The following CECR2 variants were observed in gnomAD, a reference collection of about 807,000 sequenced individuals.
CECR2 encodes the protein chromatin remodeling regulator CECR2.
CECR2 carries 30 observed loss-of-function variants against 154.5 expected under a neutral mutation model. The observed-to-expected ratio is 0.19, with a 90% CI of 0.15 to 0.26. CECR2 has a LOEUF of 0.26. Among genes scored for constraint, CECR2 ranks in the 10% least tolerant of loss-of-function variants. CECR2 has a pLI of 1.00. For synonymous variants in CECR2, 725 were observed against 683.7 expected, an observed-to-expected ratio of 1.06 and a Z score of -0.94; for missense variants, 1,743 against 1,829.3, an observed-to-expected ratio of 0.95 and a Z score of 0.86.
chr22:17,423,852 G>A (rs951619651), intron 1 of CECR2, among the ~76,000 whole-genome samples: 3 of 152,122 alleles, frequency 2.0e-5, no homozygotes, highest in Admixed American at 6.5e-5. Context: ...GACTTGTTTC[G>A]TCTTCAGTGT....
intron 2 of CECR2, among the ~76,000 whole-genome samples, chr22:17,491,818 G>C (rs1465898401): frequency 6.6e-6 from 1 of 152,106 alleles, no homozygotes; most frequent in African/African-American, 2.4e-5. Flanking sequence ...ATAAACACAT[G>C]TAAAAATCTG....
intron 9 of CECR2, among the ~76,000 whole-genome samples, chr22:17,531,035 C>CA (rs1488160788): frequency 6.6e-6 from 1 of 152,126 alleles, no homozygotes; most frequent in Non-Finnish European, 1.5e-5. Context: ...ATTGTATGCT[C>CA]ATTTGGGTGA....
chr22:17,466,938 C>T (rs1160644396), intron 1 of CECR2, among the ~76,000 whole-genome samples: 2 of 152,136 alleles, frequency 1.3e-5, no homozygotes, highest in African/African-American at 2.4e-5. Flanking sequence ...CTCTCTTCCT[C>T]GTTCCCGTAT....
chr22:17,415,130 A>G (rs930483913), intron 1 of CECR2, among the ~76,000 whole-genome samples: 1 of 152,194 alleles, frequency 6.6e-6, no homozygotes, highest in East Asian at 1.9e-4. Context: ...TCATTACATG[A>G]GTGAATATGA....
chr22:17,386,177 A>G (rs1601261082), intron 1 of CECR2, among the ~76,000 whole-genome samples: 1 of 152,162 alleles, frequency 6.6e-6, no homozygotes, highest in Admixed American at 6.5e-5. Flanking sequence ...GAAAATGACA[A>G]CGGAAAAGAG....
At chr22:17,516,669 A>G (rs2056062243) in intron 8 of CECR2, among the ~76,000 whole-genome samples, 1 of 152,194 alleles carries the variant, frequency 6.6e-6, no homozygotes, top group Non-Finnish European at 1.5e-5. Flanking sequence ...ATCTCGGCTC[A>G]CTGCAACCTC....
chr22:17,506,275 T>C (rs2055843048), intron 7 of CECR2, among the ~76,000 whole-genome samples: 2 of 152,098 alleles, frequency 1.3e-5, no homozygotes, highest in Admixed American at 6.5e-5. Flanking sequence ...TGCAGGCACA[T>C]GCCACCACGC....
At chr22:17,464,794 C>T (rs1357829539) in intron 1 of CECR2, among the ~76,000 whole-genome samples, 1 of 152,154 alleles carries the variant, frequency 6.6e-6, no homozygotes, top group African/African-American at 2.4e-5. Context: ...AGCCATTGTG[C>T]CCAGTCCAGA....
chr22:17,459,313 C>T (rs2054901024), intron 1 of CECR2, among the ~76,000 whole-genome samples: 1 of 152,182 alleles, frequency 6.6e-6, no homozygotes, highest in Non-Finnish European at 1.5e-5. Flanking sequence ...CTGCCCGGCC[C>T]TGCATCCCAG....
intron 1 of CECR2, among the ~76,000 whole-genome samples, chr22:17,371,882 C>A (rs909733627): frequency 3.9e-5 from 6 of 152,156 alleles, no homozygotes. Flanking sequence ...TTTAGAGTAA[C>A]CTGTAAATAA....
At chr22:17,454,479 C>T (rs2054822440) in intron 1 of CECR2, among the ~76,000 whole-genome samples, 1 of 151,718 alleles carries the variant, frequency 6.6e-6, no homozygotes, top group Non-Finnish European at 1.5e-5. Flanking sequence ...GTGGCGGGCA[C>T]CTGTAGTCCC....
chr22:17,511,946 G>A (rs375479676), intron 8 of CECR2, 50 bp downstream of exon 8: 87 of 1,390,944 alleles, frequency 6.3e-5, no homozygotes, highest in South Asian at 1.7e-4. Context: ...TGAAAGAGAC[G>A]GATCCTTTTC....
chr22:17,466,418 C>G (rs2055033136), intron 1 of CECR2, among the ~76,000 whole-genome samples: 1 of 152,114 alleles, frequency 6.6e-6, no homozygotes, highest in South Asian at 2.1e-4. Context: ...CAAGGTAACT[C>G]TATTTTGTGA....
chr22:17,528,694 C>A (rs377633034), intron 9 of CECR2, among the ~76,000 whole-genome samples: 14 of 152,220 alleles, frequency 9.2e-5, no homozygotes, highest in African/African-American at 3.4e-4. Flanking sequence ...CACTACCACA[C>A]CCGGCTAATT....
intron 1 of CECR2, among the ~76,000 whole-genome samples, chr22:17,371,260 G>C (rs1480855504): frequency 6.6e-6 from 1 of 152,130 alleles, no homozygotes; most frequent in Non-Finnish European, 1.5e-5. Context: ...GAATGAAGAG[G>C]AATGTAGACA....
chr22:17,360,788 T>G (rs1202679660), intron 1 of CECR2, among the ~76,000 whole-genome samples: 1 of 150,434 alleles, frequency 6.6e-6, no homozygotes, highest in Non-Finnish European at 1.5e-5. Context: ...GAGGTTGCCA[T>G]GAGCCAAGAT....
intron 1 of CECR2, among the ~76,000 whole-genome samples, chr22:17,395,383 C>T (rs1000641820): frequency 2.0e-4 from 31 of 151,618 alleles, no homozygotes; most frequent in Admixed American, 1.5e-3. Context: ...CTCGCTCTGT[C>T]GCCCAGGCTG....
chr22:17,465,640 A>G (rs1473517477), intron 1 of CECR2, among the ~76,000 whole-genome samples: 1 of 151,754 alleles, frequency 6.6e-6, no homozygotes, highest in South Asian at 2.1e-4. Context: ...GCGTGCCACC[A>G]TGCCTGGCTA....
intron 1 of CECR2, among the ~76,000 whole-genome samples, chr22:17,425,698 C>T (rs898989962): frequency 6.6e-6 from 1 of 151,798 alleles, no homozygotes; most frequent in Non-Finnish European, 1.5e-5. Flanking sequence ...ACAGTGGAAA[C>T]TATTTTGACT....
Sources: gnomAD v4.1 joint callset for allele counts (sites outside exome capture counted in the v4.1 genomes callset) on GRCh38, gnomAD v4.1.1 for gene constraint, MANE v1.5 for transcripts, NCBI Gene and HGNC (gene_info 2026-07-23, HGNC 2026-07-21) for gene names.